Variants in MAP2K3 observed in about 807,000 individuals in gnomAD.
MAP2K3 encodes the protein mitogen-activated protein kinase kinase 3, also known as dual specificity mitogen-activated protein kinase kinase 3.
Under a neutral mutation model 46.4 loss-of-function variants are expected in MAP2K3, and 30 were observed. The observed-to-expected ratio is 0.65, with a 90% CI of 0.48 to 0.88. The LOEUF (loss-of-function observed/expected upper bound fraction) is 0.88. Ranked by LOEUF, MAP2K3 falls within the 40% of genes least tolerant of loss-of-function variation. The pLI is 0.00. For synonymous variants in MAP2K3, 189 were observed against 176.3 expected (o/e 1.07, Z -0.57); for missense variants, 380 against 464.5 (o/e 0.82, Z 1.67).
intron 6 of MAP2K3, among the ~76,000 whole-genome samples, chr17:21,302,669 A>C (rs1976673274): frequency 6.6e-6 from 1 of 152,308 alleles, no homozygotes; most frequent in Non-Finnish European, 1.5e-5. Context: ...GAGTCTAAAA[A>C]GTCCTTGAGG....
chr17:21,302,099 CG>C, intron 5 of MAP2K3, 43 bp from the exon 6 acceptor site: 2 of 1,601,942 alleles, frequency 1.2e-6, no homozygotes, highest in Admixed American at 3.3e-5. Context: ...GGTGCAGACA[CG>C]GGCAGCCCGG....
At chr17:21,295,026 G>A (rs1406948333) in intron 1 of MAP2K3, among the ~76,000 whole-genome samples, 1 of 152,310 alleles carries the variant, frequency 6.6e-6, no homozygotes, top group Non-Finnish European at 1.5e-5. Flanking sequence ...GCCACAGGGA[G>A]AGCCGGTCAC....
chr17:21,302,097 C>G, intron 5 of MAP2K3, 46 bp from the exon 6 acceptor site: 1 of 1,598,602 alleles, frequency 6.3e-7, no homozygotes, highest in Non-Finnish European at 8.6e-7. Flanking sequence ...GTGGTGCAGA[C>G]ACGGGCAGCC....
chr17:21,306,016 T>C (rs1976875705), intron 9 of MAP2K3, among the ~76,000 whole-genome samples: 1 of 152,248 alleles, frequency 6.6e-6, no homozygotes, highest in South Asian at 2.1e-4. Context: ...ATAGAATCAG[T>C]AAGATGTGGT....
intron 1 of MAP2K3, among the ~76,000 whole-genome samples, chr17:21,292,861 T>C (rs1231854565): frequency 6.6e-6 from 1 of 152,310 alleles, no homozygotes; most frequent in Admixed American, 6.5e-5. Context: ...AGGCCACTCC[T>C]CGCATCCTGC....
At chr17:21,295,650 G>A (rs1304113467) in intron 1 of MAP2K3, 3 of 1,289,354 alleles carry the variant, frequency 2.3e-6, no homozygotes, top group Non-Finnish European at 3.0e-6. Context: ...TGGCCCTCCT[G>A]ATGCAGGCTT....
intron 6 of MAP2K3, 57 bp from the exon 7 acceptor site, chr17:21,303,126 G>C (rs1208748242): frequency 1.2e-6 from 2 of 1,610,576 alleles, no homozygotes; most frequent in Non-Finnish European, 1.7e-6. Context: ...TGTCGTTTTT[G>C]ACGTGACCAG....
chr17:21,290,629 A>G (rs1376823127), intron 1 of MAP2K3, among the ~76,000 whole-genome samples: 8 of 152,308 alleles, frequency 5.3e-5, no homozygotes, highest in Non-Finnish European at 1.2e-4. Context: ...TCCATCACCA[A>G]GAACCCCGTT....
chr17:21,310,328 A>T (rs1457547595), intron 9 of MAP2K3, among the ~76,000 whole-genome samples: 1 of 152,170 alleles, frequency 6.6e-6, no homozygotes, highest in East Asian at 1.9e-4. Flanking sequence ...AAATTATAAT[A>T]GACTCCTGTA....
At chr17:21,310,821 C>T (rs1367166531) in intron 9 of MAP2K3, among the ~76,000 whole-genome samples, 2 of 152,224 alleles carry the variant, frequency 1.3e-5, no homozygotes, top group African/African-American at 2.4e-5. Flanking sequence ...GGCACATCTT[C>T]GTGTCTGGAG....
intron 1 of MAP2K3, chr17:21,291,494 C>A (rs138975454): frequency 2.2e-6 from 1 of 456,440 alleles, no homozygotes; most frequent in Non-Finnish European, 4.4e-6. Flanking sequence ...TTGCTGACCT[C>A]GAGCCGGGCC....
chr17:21,284,867 G>A lies in MAP2K3; in HGVS notation c.-54G>A. 2 of 1,589,094 alleles carry A rather than the reference G, an allele frequency of 1.3e-6. No homozygotes were observed. The highest frequency in any genetic ancestry group is 2.3e-5 in the South Asian group (2 of 88,274). On this transcript the variant is annotated 5_prime_UTR_variant, in exon 1 of 12. Transcript: ENST00000342679. ...GCCATGAGCGTGCTCGGCCCCGGTGGAGCCCGCAGTCCTCTAGATTAGTCT... is the reference window on the plus strand; with the variant it reads ...GCCATGAGCGTGCTCGGCCCCGGTGAAGCCCGCAGTCCTCTAGATTAGTCT...
intron 9 of MAP2K3, chr17:21,311,608 C>CTG (rs34983762): frequency 0.049 from 7,066 of 143,476 alleles, 184 homozygotes; most frequent in Admixed American, 0.095. Context: ...TTGGAGACAG[C>CTG]TGTGTGTGTG....
At chr17:21,290,012 G>A (rs568637977) in intron 1 of MAP2K3, among the ~76,000 whole-genome samples, 16 of 152,282 alleles carry the variant, frequency 1.1e-4, no homozygotes, top group African/African-American at 3.4e-4. Flanking sequence ...ACCTCCTGGC[G>A]GCTATATCGA....
At chr17:21,296,025 A>G (rs1976225106) in intron 1 of MAP2K3, 2 of 1,282,706 alleles carry the variant, frequency 1.6e-6, no homozygotes, top group South Asian at 2.5e-5. Flanking sequence ...GCCTGACATC[A>G]GGAATAAAAG....
chr17:21,302,406 A>G lies in MAP2K3; in HGVS notation c.516+147A>G. Reference sequence around the variant, plus strand: ...CCCTGAACCTGGGCAGCTGCCCTGCATAGGCCCTTCTCCTCCACCCCAGAC... The same window carrying G: ...CCCTGAACCTGGGCAGCTGCCCTGCGTAGGCCCTTCTCCTCCACCCCAGAC... On this transcript the variant is annotated intron_variant, in intron 6 of 11. Transcript: ENST00000342679. 3.6e-6 allele frequency: 3 copies of G among 842,510 alleles called. No individual in the cohort carries two copies. In the South Asian group the frequency reaches 4.8e-5, roughly 13 times the overall value. 52.2% of individuals were successfully genotyped at this position (842,510 alleles called of 1,614,324 possible).
intron 6 of MAP2K3, 139 bp from the exon 7 acceptor site, chr17:21,303,044 T>TG: frequency 8.9e-7 from 1 of 1,118,390 alleles, no homozygotes; most frequent in Non-Finnish European, 1.3e-6. Flanking sequence ...GGCAGGAGGC[T>TG]GGGATGAGAG....
intron 1 of MAP2K3, 72 bp from the exon 2 acceptor site, chr17:21,298,341 A>G (rs764956860): frequency 1.2e-6 from 2 of 1,602,748 alleles, no homozygotes; most frequent in South Asian, 1.1e-5. Context: ...CCAGGGCCTG[A>G]TGGCTCATGG....
rs1319353793 is a variant in MAP2K3 at position 21,300,532 on chromosome 17, T to C, written c.166-13T>C. On this transcript the variant is annotated splice_polypyrimidine_tract_variant and intron_variant, in intron 3 of 11. Transcript: ENST00000342679. ...AGCTTGCTGGCCACTGACTCTCTTTTCCATCCTTCAAGAACTTTGAGGTGG... is the reference window on the plus strand; with the variant it reads ...AGCTTGCTGGCCACTGACTCTCTTTCCCATCCTTCAAGAACTTTGAGGTGG... The C allele has an allele frequency of 6.2e-7, 1 of 1,600,200 alleles. No homozygotes were observed. Among genetic ancestry groups the C allele is most frequent in the Non-Finnish European group, 8.5e-7 (1 of 1,173,420 alleles).
Sources: gnomAD v4.1 joint callset for allele counts (sites outside exome capture counted in the v4.1 genomes callset) on GRCh38, gnomAD v4.1.1 for gene constraint, MANE v1.5 for transcripts, NCBI Gene and HGNC (gene_info 2026-07-23, HGNC 2026-07-21) for gene names.